SMARCA2: variants seen among roughly 807,000 people sequenced by gnomAD.
SMARCA2 encodes SWI/SNF-related matrix-associated actin-dependent regulator of chromatin subfamily A member 2.
A neutral mutation model predicts 199.8 loss-of-function variants in SMARCA2; 61 were observed. That is an observed-to-expected ratio of 0.31 (90% CI 0.25 to 0.38). The LOEUF is 0.38. Among genes scored for constraint, SMARCA2 ranks in the 10% least tolerant of loss-of-function variants. The pLI is 1.00. For missense variants in SMARCA2, 1,344 were observed against 2,012.2 expected (o/e 0.67, Z 6.35); for synonymous variants, 935 against 732.0 (o/e 1.28, Z -4.48).
chr9:2,185,658 T>C (rs1230539086), intron 31 of SMARCA2, among the ~76,000 whole-genome samples: 1 of 152,196 alleles, frequency 6.6e-6, no homozygotes, highest in Non-Finnish European at 1.5e-5. Context: ...AAATAGAGTG[T>C]TGATTGGATA....
At chr9:2,061,975 A>G (rs921114483) in intron 9 of SMARCA2, among the ~76,000 whole-genome samples, 1 of 152,206 alleles carries the variant, frequency 6.6e-6, no homozygotes, top group Non-Finnish European at 1.5e-5. Context: ...GCTTGTGTTT[A>G]GACATTTTGT....
At chr9:2,162,084 G>A (rs1825711575) in intron 28 of SMARCA2, among the ~76,000 whole-genome samples, 181 bp downstream of exon 28, 1 of 152,100 alleles carries the variant, frequency 6.6e-6, no homozygotes, top group Admixed American at 6.5e-5. Context: ...TTTGTATGAT[G>A]TTTCATCAGG....
chr9:2,066,182 T>TA (rs1375583085), intron 9 of SMARCA2, among the ~76,000 whole-genome samples: 1 of 152,236 alleles, frequency 6.6e-6, no homozygotes, highest in Non-Finnish European at 1.5e-5. Flanking sequence ...TTCAGTATAT[T>TA]ATAATAACAC....
chr9:2,158,869 C>A, intron 27 of SMARCA2: 1 of 1,429,490 alleles, frequency 7.0e-7, no homozygotes, highest in Non-Finnish European at 9.5e-7. Context: ...TTAGAAATCA[C>A]AGAACATAAA....
intron 27 of SMARCA2, among the ~76,000 whole-genome samples, chr9:2,155,495 C>T (rs973621580): frequency 6.6e-6 from 1 of 152,106 alleles, no homozygotes; most frequent in Admixed American, 6.5e-5. Flanking sequence ...ATTGGCCAGG[C>T]TGGTCTCGAA....
rs1295221964 is a variant in SMARCA2, at chr9:2,192,943, G to C, written c.*204G>C. The C allele has an allele frequency of 3.9e-6, 2 of 519,402 alleles. No individual in the cohort carries two copies. The highest frequency in any genetic ancestry group is 3.7e-5 in the Admixed American group (1 of 26,884). 32.2% of individuals were successfully genotyped at this position (519,402 alleles called of 1,614,324 possible). A position where few individuals can be genotyped will look rare whatever the true frequency, so the allele number is the denominator to read the frequency against. On this transcript the variant is annotated 3_prime_UTR_variant, in exon 34 of 34. Coordinates refer to ENST00000349721, the MANE Select transcript of SMARCA2 (RefSeq NM_003070.5). Reference sequence around the variant, plus strand: ...TACACAAATATTTGTAACATATTGTGACCAAATGGGCCTCAAAGATTCAGA... The same window carrying C: ...TACACAAATATTTGTAACATATTGTCACCAAATGGGCCTCAAAGATTCAGA...
rs1450329295 is a variant in SMARCA2 at position 2,192,701 on chromosome 9, T to G, written c.4738-3T>G. The G allele has an allele frequency of 6.2e-7, 1 of 1,602,216 alleles. No homozygotes were observed. The highest frequency in any genetic ancestry group is 8.6e-7 in the Non-Finnish European group (1 of 1,169,188). Reference sequence around the variant, plus strand: ...CATTTTATCTTCTTATTTTTACTTTTAGGAACAGTCAGAAGGAAGTGGGAC... The same window carrying G: ...CATTTTATCTTCTTATTTTTACTTTGAGGAACAGTCAGAAGGAAGTGGGAC... On this transcript the variant is annotated splice_region_variant and splice_polypyrimidine_tract_variant and intron_variant, in intron 33 of 33. Coordinates refer to ENST00000349721, the MANE Select transcript of SMARCA2 (RefSeq NM_003070.5).
At chr9:2,089,242 C>G (rs975037761) in intron 19 of SMARCA2, among the ~76,000 whole-genome samples, 7 of 152,102 alleles carry the variant, frequency 4.6e-5, no homozygotes, top group African/African-American at 1.7e-4. Flanking sequence ...ACCTTTTGAG[C>G]CCTTAGCTCC....
At chr9:2,106,775 T>C (rs535067134) in intron 23 of SMARCA2, among the ~76,000 whole-genome samples, 162 of 152,346 alleles carry the variant, frequency 1.1e-3, no homozygotes, top group African/African-American at 3.8e-3. Context: ...TAGTTTTTGT[T>C]TTTACTGGAA....
At chr9:2,177,558 CT>C (rs34359993) in intron 29 of SMARCA2, among the ~76,000 whole-genome samples, 211 of 146,962 alleles carry the variant, frequency 1.4e-3, no homozygotes, top group African/African-American at 4.4e-3. Context: ...AAGTAGATTT[CT>C]TTTTTTTTTT....
chr9:2,027,017 A>G (rs1818861473), intron 1 of SMARCA2, among the ~76,000 whole-genome samples: 1 of 152,194 alleles, frequency 6.6e-6, no homozygotes, highest in Non-Finnish European at 1.5e-5. Flanking sequence ...ATCACTCTGA[A>G]GTAGCCTTTG....
At chr9:2,083,208 A>C (rs541279764) in intron 15 of SMARCA2, 139 bp from the exon 16 acceptor site, 2 of 483,824 alleles carry the variant, frequency 4.1e-6, no homozygotes, top group South Asian at 4.2e-5. Context: ...CACACCTTTA[A>C]AATAAATATC....
In SMARCA2 at chr9:2,170,481, C is replaced by T. The variant is rs757009984; in HGVS notation, c.4253+9C>T. 3.7e-6 allele frequency: 6 copies of T among 1,613,972 alleles called. No individual in the cohort carries two copies. The East Asian group carries it at 1.3e-4, about 36-fold the overall frequency. On this transcript the variant is annotated intron_variant, in intron 29 of 33. Transcript: ENST00000349721. This position sits in a 1 kb window ranked among gnomAD's most constrained non-coding sequence, Gnocchi z 4.7. Reference sequence around the variant, plus strand: ...GAAATAGAAGGAAACAGGTCAGGATCTGTCTTGTATTCCCCTATCTCTAAA... The same window carrying T: ...GAAATAGAAGGAAACAGGTCAGGATTTGTCTTGTATTCCCCTATCTCTAAA...
chr9:2,073,496 C>A, intron 11 of SMARCA2, 70 bp from the exon 12 acceptor site: 2 of 1,455,922 alleles, frequency 1.4e-6, no homozygotes, highest in South Asian at 1.2e-5. Context: ...GCTATTAAGT[C>A]ATGTGTGTCT....
chr9:2,182,054 G>T lies in SMARCA2; in HGVS notation c.4360-87G>T, dbSNP rs1349040551. The T allele has an allele frequency of 4.5e-6, 4 of 897,724 alleles. No individual in the cohort carries two copies. In the African/African-American group the frequency reaches 6.6e-5, roughly 15 times the overall value. The allele number at this position is 897,724 out of a possible 1,614,324, so 55.6% of individuals were successfully genotyped here. A position where few individuals can be genotyped will look rare whatever the true frequency, so the allele number is the denominator to read the frequency against. On this transcript the variant is annotated intron_variant, in intron 30 of 33. Transcript: ENST00000349721. Reference sequence around the variant, plus strand: ...AGGGCTTTATGCTGTGAAGACAAAGGGAAAATCAGGCTTTGTTAACTAAGT... The same window carrying T: ...AGGGCTTTATGCTGTGAAGACAAAGTGAAAATCAGGCTTTGTTAACTAAGT...
At chr9:2,144,310 T>C (rs1039023595) in intron 27 of SMARCA2, among the ~76,000 whole-genome samples, 8 of 152,178 alleles carry the variant, frequency 5.3e-5, no homozygotes, top group Admixed American at 5.2e-4. Context: ...CCCTGCGTAC[T>C]GTGACTGTTA....
intron 28 of SMARCA2, among the ~76,000 whole-genome samples, chr9:2,162,466 G>C (rs1825733288): frequency 1.3e-5 from 2 of 152,128 alleles, no homozygotes; most frequent in African/African-American, 4.8e-5. Flanking sequence ...TTTGGATACA[G>C]ACTTTGAGAA....
intron 1 of SMARCA2, among the ~76,000 whole-genome samples, chr9:2,026,681 A>T (rs769665036): frequency 1.3e-5 from 2 of 152,218 alleles, no homozygotes; most frequent in African/African-American, 4.8e-5. Flanking sequence ...AGTGTAAACC[A>T]TAACAGGAAG....
At chr9:2,028,549 T>A (rs1055749521) in intron 1 of SMARCA2, among the ~76,000 whole-genome samples, 3 of 152,234 alleles carry the variant, frequency 2.0e-5, no homozygotes, top group Non-Finnish European at 4.4e-5. Context: ...CCCACTCACT[T>A]ATGAAAATGA....
Sources: allele counts gnomAD v4.1 joint callset (sites outside exome capture counted in the v4.1 genomes callset), GRCh38; gene constraint gnomAD v4.1.1; non-coding constraint Gnocchi (gnomAD v3.1); transcripts MANE v1.5; gene names NCBI Gene and HGNC (gene_info 2026-07-23, HGNC 2026-07-21).